Variants in DNAJC3 observed in about 807,000 individuals in gnomAD.
The protein encoded by DNAJC3 is DnaJ heat shock protein family (Hsp40) member C3.
DNAJC3 carries 38 observed loss-of-function variants against 68.6 expected under a neutral mutation model. The ratio of observed to expected loss-of-function variants is 0.55; its 90% CI spans 0.43 to 0.73. DNAJC3 has a LOEUF of 0.73. Ranked by LOEUF, DNAJC3 falls within the 30% of genes least tolerant of loss-of-function variation. DNAJC3 has a pLI of 0.00. For synonymous variants in DNAJC3, 203 were observed against 204.0 expected (o/e 1.00, Z 0.04); for missense variants, 526 against 591.9 (o/e 0.89, Z 1.16).
intron 3 of DNAJC3, 148 bp downstream of exon 3, chr13:95,723,514 T>A: frequency 3.5e-6 from 3 of 854,798 alleles, no homozygotes; most frequent in Non-Finnish European, 5.1e-6. Flanking sequence ...CAAGAGAAAT[T>A]CAAAGTCCCT....
At chr13:95,782,236 C>T (rs927614469) in intron 9 of DNAJC3, among the ~76,000 whole-genome samples, 1 of 152,122 alleles carries the variant, frequency 6.6e-6, no homozygotes, top group East Asian at 1.9e-4. Context: ...CAAGTCTTTG[C>T]TATTGTGAAC....
intron 2 of DNAJC3, among the ~76,000 whole-genome samples, chr13:95,715,608 A>G (rs1881113212): frequency 6.6e-6 from 1 of 150,888 alleles, no homozygotes; most frequent in South Asian, 2.1e-4. Context: ...CCTCCTGAGC[A>G]GCCCGAGCAG....
At chr13:95,691,925 CG>C (rs1880279502) in intron 1 of DNAJC3, among the ~76,000 whole-genome samples, 1 of 152,186 alleles carries the variant, frequency 6.6e-6, no homozygotes, top group South Asian at 2.1e-4. Flanking sequence ...CGTGGCGGCG[CG>C]CGCCTGCAAT....
intron 9 of DNAJC3, among the ~76,000 whole-genome samples, chr13:95,775,822 G>A (rs897441236): frequency 6.6e-6 from 1 of 152,080 alleles, no homozygotes; most frequent in Non-Finnish European, 1.5e-5. Flanking sequence ...CACACTTTTA[G>A]TATGCTTCTC....
chr13:95,709,175 T>A, intron 1 of DNAJC3, 52 bp from the exon 2 acceptor site: 1 of 1,296,184 alleles, frequency 7.7e-7, no homozygotes, highest in Non-Finnish European at 1.0e-6. Context: ...TTTTTTAGAA[T>A]TAAATCTTAG....
chr13:95,733,648 C>T (rs1295684084), intron 4 of DNAJC3, among the ~76,000 whole-genome samples: 1 of 150,822 alleles, frequency 6.6e-6, no homozygotes, highest in African/African-American at 2.4e-5. Flanking sequence ...GATCTGCCTG[C>T]CCTGGCCTCG....
At chr13:95,711,550 A>G (rs1880967469) in intron 2 of DNAJC3, among the ~76,000 whole-genome samples, 1 of 152,118 alleles carries the variant, frequency 6.6e-6, no homozygotes, top group Non-Finnish European at 1.5e-5. Context: ...TGGCATAATT[A>G]TAAGAACATA....
chr13:95,755,820 T>A (rs1882645081), intron 4 of DNAJC3, among the ~76,000 whole-genome samples: 1 of 142,138 alleles, frequency 7.0e-6, no homozygotes, highest in South Asian at 2.4e-4. Flanking sequence ...CCTAATTTCA[T>A]CTGGCTTGAC....
intron 5 of DNAJC3, among the ~76,000 whole-genome samples, chr13:95,759,476 T>A (rs940193620): frequency 6.6e-6 from 1 of 152,168 alleles, no homozygotes; most frequent in African/African-American, 2.4e-5. Context: ...CACACCCAGT[T>A]AATAATTTTA....
At chr13:95,691,996 A>G (rs1001426411) in intron 1 of DNAJC3, among the ~76,000 whole-genome samples, 1 of 152,286 alleles carries the variant, frequency 6.6e-6, no homozygotes, top group African/African-American at 2.4e-5. Flanking sequence ...GTGAGCTGAG[A>G]TGGCAGCAGC....
chr13:95,744,213 G>T (rs1367385927), intron 4 of DNAJC3, among the ~76,000 whole-genome samples: 1 of 152,016 alleles, frequency 6.6e-6, no homozygotes. Context: ...GTATACCTAA[G>T]TATTTTATAT....
At position 95,763,748 on chromosome 13, in the gene DNAJC3, G is replaced by A; in HGVS notation, c.954G>A (p.Lys318=). 6.2e-7 allele frequency: 1 copy of A among 1,613,920 alleles called. No individual in the cohort carries two copies. Among genetic ancestry groups the A allele is most frequent in the Non-Finnish European group, 8.5e-7 (1 of 1,179,862 alleles). The part of the protein sequence containing the change: ...SKERICHCFS[K]DEKPVEAIRV... Reference sequence around the variant, plus strand: ...AGAGGATTTGCCACTGCTTTTCTAAGGTAACAGTTGACTTGTTCCCAGAAA... The same window carrying A: ...AGAGGATTTGCCACTGCTTTTCTAAAGTAACAGTTGACTTGTTCCCAGAAA... The change falls in exon 8 of 12, where the codon AAG becomes AAA. Residue 318 remains lysine (K), a splice_region_variant and synonymous_variant. Coordinates refer to ENST00000602402, the MANE Select transcript of DNAJC3 (RefSeq NM_006260.5).
At chr13:95,723,761 T>C (rs968911377) in intron 3 of DNAJC3, among the ~76,000 whole-genome samples, 3 of 152,204 alleles carry the variant, frequency 2.0e-5, no homozygotes, top group African/African-American at 7.2e-5. Context: ...TGGGGATTAC[T>C]TAATTGGGCT....
intron 4 of DNAJC3, chr13:95,742,608 C>G (rs562811719): frequency 5.7e-5 from 28 of 494,684 alleles, no homozygotes; most frequent in Admixed American, 1.5e-4. Context: ...CAGGCTGCCT[C>G]ACTTCTCTCT....
At chr13:95,738,891 G>A (rs943707265) in intron 4 of DNAJC3, among the ~76,000 whole-genome samples, 25 of 151,368 alleles carry the variant, frequency 1.7e-4, no homozygotes, top group African/African-American at 4.4e-4. Flanking sequence ...TATTTTGCTC[G>A]TTAGTTGATG....
At chr13:95,678,391 C>G (rs1879824644) in intron 1 of DNAJC3, among the ~76,000 whole-genome samples, 1 of 152,032 alleles carries the variant, frequency 6.6e-6, no homozygotes, top group South Asian at 2.1e-4. Context: ...GTAGTACTCC[C>G]CAGTTTTTAG....
At chr13:95,690,816 C>G (rs1182580909) in intron 1 of DNAJC3, among the ~76,000 whole-genome samples, 2 of 124,154 alleles carry the variant, frequency 1.6e-5, no homozygotes, top group South Asian at 2.6e-4. Context: ...CCCTCCCGGA[C>G]GGGGCAGCTG....
chr13:95,776,641 T>C (rs1442724589), intron 9 of DNAJC3, among the ~76,000 whole-genome samples: 7 of 152,232 alleles, frequency 4.6e-5, no homozygotes, highest in Admixed American at 3.9e-4. Context: ...AAAGTTTGTA[T>C]TTTTGTACTT....
chr13:95,739,040 A>C (rs1316569903), intron 4 of DNAJC3, among the ~76,000 whole-genome samples: 2 of 151,766 alleles, frequency 1.3e-5, no homozygotes, highest in Non-Finnish European at 2.9e-5. Context: ...ATCTCTCAGC[A>C]TTTGCTTGTC....
Sources: gnomAD v4.1 joint callset for allele counts (sites outside exome capture counted in the v4.1 genomes callset) on GRCh38, gnomAD v4.1.1 for gene constraint, MANE v1.5 for transcripts, NCBI Gene and HGNC (gene_info 2026-07-23, HGNC 2026-07-21) for gene names.